HADHB: variants seen among roughly 807,000 people sequenced by gnomAD.
The protein encoded by HADHB is hydroxyacyl-CoA dehydrogenase trifunctional multienzyme complex subunit beta, also known as trifunctional enzyme subunit beta, mitochondrial.
Under a neutral mutation model 61.9 loss-of-function variants are expected in HADHB, and 50 were observed. The observed-to-expected ratio is 0.81, with a 90% CI of 0.64 to 1.02. The LOEUF (loss-of-function observed/expected upper bound fraction) is 1.02. HADHB is among the 50% of genes least tolerant of loss of function. HADHB has a pLI of 0.00. For synonymous variants in HADHB, 191 were observed against 201.6 expected (o/e 0.95, Z 0.45); for missense variants, 504 against 586.5 (o/e 0.86, Z 1.45).
intron 3 of HADHB, among the ~76,000 whole-genome samples, chr2:26,257,324 G>A (rs568490327): frequency 6.6e-6 from 1 of 151,904 alleles, no homozygotes; most frequent in South Asian, 2.1e-4. Context: ...GTGTCACCGT[G>A]TTAGCCAGGA....
chr2:26,279,189 C>T lies in HADHB; in HGVS notation c.685C>T (p.Arg229Ter), dbSNP rs759136382. The change falls in exon 9 of 16, where the codon CGA becomes TGA. Residue 229 changes from arginine (R) to a stop codon, truncating the protein, a stop_gained. Transcript: ENST00000317799. LOFTEE classifies it high-confidence loss of function. Reference sequence around the variant, plus strand: ...TGAGACCATGGGCCACTCTGCAGACCGACTGGCCGCTGCCTTTGCTGTTTC... The same window carrying T: ...TGAGACCATGGGCCACTCTGCAGACTGACTGGCCGCTGCCTTTGCTGTTTC... ...TSETMGHSAD[R>*]LAAAFAVSRL... 7.4e-6 allele frequency: 12 copies of T among 1,613,602 alleles called. No homozygotes were observed. The highest frequency in any genetic ancestry group is 1.7e-5 in the Admixed American group (1 of 60,006).
intron 13 of HADHB, 30 bp from the exon 14 acceptor site, chr2:26,284,852 GA>G (rs1672957464): frequency 9.4e-7 from 1 of 1,062,504 alleles, no homozygotes; most frequent in Non-Finnish European, 1.5e-6. Flanking sequence ...CATGAATAAC[GA>G]GGTTCTTATT....
At chr2:26,280,138 T>G in intron 10 of HADHB, 23 bp downstream of exon 10, 1 of 1,594,344 alleles carries the variant, frequency 6.3e-7, no homozygotes, top group Non-Finnish European at 8.6e-7. Context: ...GTTATTTGTA[T>G]TTAGTAGTGA....
rs768738452 is a variant in HADHB, at chr2:26,263,454, A to G, written c.184A>G (p.Thr62Ala). Residue 62 changes from threonine (T) to alanine (A), a missense_variant, in exon 4 of 16, where the codon ACT (threonine) becomes GCT (alanine). Physicochemically the swap from Thr to Ala is moderately conservative, Grantham distance 58. Coordinates refer to ENST00000317799, the MANE Select transcript of HADHB (RefSeq NM_000183.3). ...RNVVVVDGVR[T>A]PFLLSGTSYK... is the part of the protein sequence containing the mutation. ...TGTTGTGGTGGTGGATGGTGTTCGC[A>G]CTCCATTTTTGCTGTCTGGCACTTC... 5.0e-6 allele frequency: 8 copies of G among 1,610,884 alleles called. No individual in the cohort carries two copies. Among genetic ancestry groups the G allele is most frequent in the Non-Finnish European group, 6.8e-6 (8 of 1,177,140 alleles).
chr2:26,283,988 A>G, intron 12 of HADHB, 129 bp from the exon 13 acceptor site: 4 of 668,330 alleles, frequency 6.0e-6, no homozygotes, highest in Non-Finnish European at 8.1e-6. Context: ...TTCATTAATC[A>G]GTACAGAAAA....
Position 26,283,013 on chromosome 2 carries a change from G to A in HADHB, c.1023G>A (p.Met341Ile). The A allele has an allele frequency of 6.2e-7, 1 of 1,609,256 alleles. No homozygotes were observed. Among genetic ancestry groups the A allele is most frequent in the Non-Finnish European group, 8.5e-7 (1 of 1,175,548 alleles). The part of the protein sequence containing the change: ...YKPKAYLRDF[M>I]YVSQDPKDQL... ...CTATTTTTTTACCTAGGGATTTTAT[G>A]TATGTGTCTCAGGATCCAAAAGATC... Residue 341 changes from methionine to isoleucine, a missense_variant, in exon 12 of 16, where the codon ATG becomes ATA. Physicochemically the swap from Met to Ile is conservative, Grantham distance 10. Transcript: ENST00000317799.
intron 3 of HADHB, chr2:26,260,899 A>G: frequency 3.0e-6 from 2 of 673,926 alleles, no homozygotes; most frequent in Admixed American, 2.4e-5. Flanking sequence ...GAATGACATC[A>G]GTTTACCATC....
chr2:26,265,209 A>T (rs970333878), intron 4 of HADHB, among the ~76,000 whole-genome samples: 4 of 152,196 alleles, frequency 2.6e-5, no homozygotes, highest in Non-Finnish European at 5.9e-5. Flanking sequence ...AAAAAGTTCC[A>T]TCAAGACATG....
At chr2:26,250,652 G>GTT (rs528872282) in intron 1 of HADHB, among the ~76,000 whole-genome samples, 16 of 136,164 alleles carry the variant, frequency 1.2e-4, no homozygotes, top group Non-Finnish European at 9.6e-5. Context: ...TGTCTCTAAA[G>GTT]TTTTTTTTTT....
intron 3 of HADHB, among the ~76,000 whole-genome samples, chr2:26,255,185 C>G (rs72849956): frequency 6.6e-6 from 1 of 152,074 alleles, no homozygotes; most frequent in Non-Finnish European, 1.5e-5. Context: ...TATGGTATTT[C>G]TACCTGTATA....
At chr2:26,271,475 C>G (rs1234887448) in intron 5 of HADHB, among the ~76,000 whole-genome samples, 1 of 152,006 alleles carries the variant, frequency 6.6e-6, no homozygotes, top group African/African-American at 2.4e-5. Context: ...CCATTGCACT[C>G]CAGCCTGGGC....
rs547500585 is a variant in HADHB at position 26,282,724 on chromosome 2, A to G, written c.934-121A>G. 3.8e-5 allele frequency: 28 copies of G among 728,898 alleles called. No individual in the cohort carries two copies. The African/African-American group carries it at 4.7e-4, about 12-fold the overall frequency. The allele number at this position is 728,898 out of a possible 1,614,324, so 45.2% of individuals were successfully genotyped here. A position where few individuals can be genotyped will look rare whatever the true frequency, so the allele number is the denominator to read the frequency against. On this transcript the variant is annotated intron_variant, in intron 10 of 15. Coordinates refer to ENST00000317799, the MANE Select transcript of HADHB (RefSeq NM_000183.3). The stretch of plus-strand genomic sequence containing the variant: ...TGGATACAGTGAAGTAAGTGTTGTT[A>G]TATAGAATCACTGTATAAGTCTAAT...
At chr2:26,283,151 A>G (rs1282284829) in intron 12 of HADHB, 100 bp downstream of exon 12, 1 of 831,658 alleles carries the variant, frequency 1.2e-6, no homozygotes, top group East Asian at 2.5e-5. Flanking sequence ...TTTATTATTT[A>G]TTTGTTTATT....
chr2:26,247,773 G>A (rs1190348917), intron 1 of HADHB, among the ~76,000 whole-genome samples: 1 of 152,162 alleles, frequency 6.6e-6, no homozygotes, highest in Non-Finnish European at 1.5e-5. Context: ...ATGATTTAGA[G>A]TATGCATGAG....
intron 9 of HADHB, 93 bp from the exon 10 acceptor site, chr2:26,279,901 A>G: frequency 1.1e-6 from 1 of 944,648 alleles, no homozygotes; most frequent in Non-Finnish European, 1.7e-6. Context: ...TTTATATTTC[A>G]TTTGTTTTTG....
intron 1 of HADHB, among the ~76,000 whole-genome samples, chr2:26,249,504 C>T (rs1671313630): frequency 1.3e-5 from 2 of 152,076 alleles, no homozygotes; most frequent in South Asian, 4.2e-4. Flanking sequence ...GAGTGAGACT[C>T]CGTCTCAAAA....
At chr2:26,270,040 G>A in intron 5 of HADHB, 43 bp downstream of exon 5, 1 of 1,317,910 alleles carries the variant, frequency 7.6e-7, no homozygotes, top group Non-Finnish European at 1.1e-6. Context: ...TTCATTAAAG[G>A]CACTTTCTCC....
At chr2:26,260,521 C>T (rs1671817789) in intron 3 of HADHB, 1 of 156,440 alleles carries the variant, frequency 6.4e-6, no homozygotes, top group Non-Finnish European at 1.4e-5. Flanking sequence ...TCCTTGAGGA[C>T]CGATGCATTT....
Position 26,261,216 on chromosome 2 carries a change from C to A in HADHB, c.110-2164C>A, listed in dbSNP as rs376229751. The A allele has an allele frequency of 5.7e-5, 27 of 473,410 alleles. No homozygotes were observed. The East Asian group carries it at 5.9e-4, about 10-fold the overall frequency. 29.3% of individuals were successfully genotyped at this position (473,410 alleles called of 1,614,324 possible). On this transcript the variant is annotated intron_variant, in intron 3 of 15. Coordinates refer to ENST00000317799, the MANE Select transcript of HADHB (RefSeq NM_000183.3). ...AACAACAACAACACAACAAATACCCCCCCCCCATCCAGACAAACAAAAAAA... is the reference window on the plus strand; with the variant it reads ...AACAACAACAACACAACAAATACCCACCCCCCATCCAGACAAACAAAAAAA...
Sources: gnomAD v4.1 joint callset for allele counts (sites outside exome capture counted in the v4.1 genomes callset) on GRCh38, gnomAD v4.1.1 for gene constraint, MANE v1.5 for transcripts, NCBI Gene and HGNC (gene_info 2026-07-23, HGNC 2026-07-21) for gene names.